The following PTPRN2 variants were observed in gnomAD, a reference collection of about 807,000 sequenced individuals.
The protein encoded by PTPRN2 is protein tyrosine phosphatase receptor type N2.
In PTPRN2, 74 loss-of-function variants were observed where a neutral mutation model predicts 118.8. The observed-to-expected ratio is 0.62, with a 90% CI of 0.52 to 0.76. The LOEUF (loss-of-function observed/expected upper bound fraction) is 0.76, where lower values mean the gene tolerates loss of function less well. PTPRN2 is among the 30% of genes least tolerant of loss of function. The pLI is 0.00. For synonymous variants in PTPRN2, 641 were observed against 608.0 expected (o/e 1.05, Z -0.80); for missense variants, 1,481 against 1,394.4 (o/e 1.06, Z -0.99).
intron 12 of PTPRN2, among the ~76,000 whole-genome samples, chr7:157,891,409 AC>A (rs1299573929): frequency 1.0e-4 from 8 of 78,638 alleles, no homozygotes; most frequent in African/African-American, 3.9e-4. Flanking sequence ...GCATCCCCAC[AC>A]CCCCCGCCCC....
chr7:158,221,147 G>T (rs1394185180), intron 3 of PTPRN2, among the ~76,000 whole-genome samples: 1 of 152,106 alleles, frequency 6.6e-6, no homozygotes, highest in Non-Finnish European at 1.5e-5. Context: ...ATGGTGCTAG[G>T]ATAGCTGGTT....
At position 157,676,660 on chromosome 7, in the gene PTPRN2, C is replaced by T. The variant is rs1290349217; in HGVS notation, c.2001+6065G>A. On this transcript the variant is annotated intron_variant, in intron 13 of 22. Transcript: ENST00000389418. The surrounding 1 kb of genome is among the most constrained non-coding windows in gnomAD (Gnocchi z 5.6). ...GCAGCTCTGCCACTGGCCCTGTGGG[C>T]TGGGGCGCCTCTCAGTTTATCTGCT... Among the ~76,000 whole-genome samples the T allele has an allele frequency of 2.0e-5, 3 of 152,224 alleles. No individual in the cohort carries two copies. The highest frequency in any genetic ancestry group is 1.3e-4 in the Admixed American group (2 of 15,288).
chr7:158,549,534 GGC>G (rs1826509727), intron 1 of PTPRN2, among the ~76,000 whole-genome samples: 1 of 152,260 alleles, frequency 6.6e-6, no homozygotes, highest in South Asian at 2.1e-4. Flanking sequence ...AGGTTCTGCT[GGC>G]TTTGTCTTCT....
At chr7:158,006,442 C>T (rs373275599) in intron 11 of PTPRN2, among the ~76,000 whole-genome samples, 3 of 152,240 alleles carry the variant, frequency 2.0e-5, no homozygotes, top group East Asian at 1.9e-4. Flanking sequence ...CACAGCTGAC[C>T]TCCTGCCATC....
chr7:158,244,116 C>A (rs931950850), intron 3 of PTPRN2, among the ~76,000 whole-genome samples: 1 of 152,206 alleles, frequency 6.6e-6, no homozygotes, highest in African/African-American at 2.4e-5. Context: ...CAATGCAGCA[C>A]CCAGTCCCTG....
intron 12 of PTPRN2, among the ~76,000 whole-genome samples, chr7:157,686,612 A>G (rs992344767): frequency 1.3e-5 from 2 of 152,242 alleles, no homozygotes; most frequent in Admixed American, 1.3e-4. Flanking sequence ...CAGACTAATT[A>G]GAGGCATCTT....
intron 10 of PTPRN2, among the ~76,000 whole-genome samples, chr7:158,085,540 TGAC>T (rs2128936635): frequency 1.8e-5 from 1 of 56,272 alleles, no homozygotes; most frequent in African/African-American, 7.1e-5. Flanking sequence ...TCCACACCCA[TGAC>T]GCCCATCCAC....
At chr7:158,332,776 C>G (rs1264005099) in intron 2 of PTPRN2, among the ~76,000 whole-genome samples, 1 of 151,606 alleles carries the variant, frequency 6.6e-6, no homozygotes, top group African/African-American at 2.4e-5. Context: ...CACCCATACT[C>G]TCACCATAAG....
intron 22 of PTPRN2, among the ~76,000 whole-genome samples, chr7:157,541,308 C>G (rs1352819915): frequency 6.6e-6 from 1 of 152,240 alleles, no homozygotes; most frequent in East Asian, 1.9e-4. Flanking sequence ...TCAGACCAAA[C>G]CCACTCCGTT....
At chr7:158,548,997 G>A (rs1409091559) in intron 1 of PTPRN2, among the ~76,000 whole-genome samples, 4 of 152,212 alleles carry the variant, frequency 2.6e-5, no homozygotes, top group Non-Finnish European at 5.9e-5. Flanking sequence ...CCCCGCTTGA[G>A]TTGGCCTTGA....
rs943147138 is a variant in PTPRN2 at position 158,192,374 on chromosome 7, C to G, written c.502G>C (p.Asp168His). 1 of 1,526,630 alleles carries G rather than the reference C, an allele frequency of 6.6e-7. No homozygotes were observed. The highest frequency in any genetic ancestry group is 2.5e-5 in the Admixed American group (1 of 39,342). 94.6% of individuals were successfully genotyped at this position (1,526,630 alleles called of 1,614,324 possible). Residue 168 changes from aspartate to histidine, a missense_variant, in exon 5 of 23, where the codon GAC becomes CAC. By Grantham distance (81) the Asp-to-His change is moderately conservative. Around this residue, in one of 3 missense-constraint regions of PTPRN2, gnomAD observed 1,115 missense variants for 994.2 expected, o/e 1.12. Coordinates refer to ENST00000389418, the MANE Select transcript of PTPRN2 (RefSeq NM_002847.5). The part of the protein sequence containing the change: ...LEALSQAPAS[D>H]VLARTHTAQD... Reference sequence around the variant, plus strand: ...GCCGTATGGGTCCTGGCGAGCACGTCTGAGGCTGGGGCCTGGGACAGGGCC... The same window carrying G: ...GCCGTATGGGTCCTGGCGAGCACGTGTGAGGCTGGGGCCTGGGACAGGGCC...
At chr7:158,038,485 C>A (rs1808231290) in intron 11 of PTPRN2, among the ~76,000 whole-genome samples, 2 of 151,666 alleles carry the variant, frequency 1.3e-5, no homozygotes, top group Non-Finnish European at 2.9e-5. Context: ...ATGATGAAAC[C>A]CAAAGACTTC....
At chr7:157,840,119 C>CCGTG (rs1808274979) in intron 12 of PTPRN2, among the ~76,000 whole-genome samples, 2 of 143,646 alleles carry the variant, frequency 1.4e-5, no homozygotes, top group African/African-American at 2.7e-5. Context: ...GACTGTGTGA[C>CCGTG]TGTGACTGTG....
At chr7:158,266,370 G>T (rs1156393093) in intron 3 of PTPRN2, among the ~76,000 whole-genome samples, 2 of 132,924 alleles carry the variant, frequency 1.5e-5, no homozygotes, top group Non-Finnish European at 3.2e-5. Flanking sequence ...CTGCTGCGGG[G>T]TATTGTCTGG....
intron 7 of PTPRN2, among the ~76,000 whole-genome samples, chr7:158,137,638 T>C (rs1435214774): frequency 6.6e-6 from 1 of 152,088 alleles, no homozygotes; most frequent in Non-Finnish European, 1.5e-5. Flanking sequence ...CCCTGCACCC[T>C]GCCTGTCAGC....
intron 1 of PTPRN2, among the ~76,000 whole-genome samples, chr7:158,505,204 C>CA (rs1195622494): frequency 2.0e-5 from 3 of 151,912 alleles, no homozygotes; most frequent in Admixed American, 6.6e-5. Flanking sequence ...CACTGTTAGT[C>CA]AAAAAAATGC....
chr7:157,936,339 C>T (rs1563253754), intron 11 of PTPRN2, among the ~76,000 whole-genome samples: 2 of 152,198 alleles, frequency 1.3e-5, no homozygotes, highest in Non-Finnish European at 2.9e-5. Flanking sequence ...GCCCCTGTCA[C>T]GTTCACACGA....
chr7:158,337,477 AG>A, intron 2 of PTPRN2, among the ~76,000 whole-genome samples: 1 of 150,002 alleles, frequency 6.7e-6, no homozygotes, highest in African/African-American at 2.5e-5. Flanking sequence ...TCTCACCATA[AG>A]AGGTGACACC....
At chr7:158,157,008 C>T (rs940755939) in intron 6 of PTPRN2, among the ~76,000 whole-genome samples, 1 of 151,866 alleles carries the variant, frequency 6.6e-6, no homozygotes, top group Non-Finnish European at 1.5e-5. Context: ...GAGAGCACCC[C>T]TGTTCCATGT....
Sources: gnomAD v4.1 joint callset for allele counts (sites outside exome capture counted in the v4.1 genomes callset) on GRCh38, gnomAD v4.1.1 for gene constraint, gnomAD v4.1.1 regional missense constraint, Gnocchi (gnomAD v3.1) non-coding constraint, MANE v1.5 for transcripts, NCBI Gene and HGNC (gene_info 2026-07-23, HGNC 2026-07-21) for gene names.